The following MYOM2 variants were observed in gnomAD, a reference collection of about 807,000 sequenced individuals.
The protein encoded by MYOM2 is myomesin-2.
Under a neutral mutation model 187.6 loss-of-function variants are expected in MYOM2, and 254 were observed. The observed-to-expected ratio is 1.35, with a 90% CI of 1.22 to 1.50. MYOM2 has a LOEUF of 1.50. Ranked by LOEUF, MYOM2 falls within the 40% of genes most tolerant of loss-of-function variation. The pLI is 0.00. For missense variants in MYOM2, 2,796 were observed against 1,924.0 expected (o/e 1.45, Z -8.48); for synonymous variants, 981 against 753.8 (o/e 1.30, Z -4.94).
At chr8:2,051,042 G>A (rs910306704) in intron 2 of MYOM2, among the ~76,000 whole-genome samples, 169 bp downstream of exon 2, 2 of 152,118 alleles carry the variant, frequency 1.3e-5, no homozygotes, top group Non-Finnish European at 2.9e-5. Flanking sequence ...GCAGCACTCT[G>A]TGGAGCTGGC....
intron 14 of MYOM2, among the ~76,000 whole-genome samples, chr8:2,088,860 G>A (rs949770521): frequency 2.0e-5 from 3 of 152,248 alleles, no homozygotes; most frequent in Admixed American, 1.3e-4. Context: ...CAGTGACTGA[G>A]CTAATGACAT....
chr8:2,084,582 C>G (rs1819742953), intron 13 of MYOM2, among the ~76,000 whole-genome samples: 1 of 152,188 alleles, frequency 6.6e-6, no homozygotes, highest in South Asian at 2.1e-4. Context: ...AAACAGAAAT[C>G]CCCACACCTC....
In MYOM2 at chr8:2,057,767, C is replaced by G. The variant is rs1478510512; in HGVS notation, c.547C>G (p.Pro183Ala). ...LCFTVQGFPT[P>A]VVQWYKDGSL... ...CTTCACCGTGCAAGGATTTCCCACG[C>G]CCGTGGTGCAGTGGTGAGGGGCTCT... The change falls in exon 5 of 37, where the codon CCC becomes GCC. Residue 183 changes from proline to alanine, a missense_variant. Transcript: ENST00000262113. The G allele has an allele frequency of 1.9e-6, 3 of 1,614,054 alleles. No individual in the cohort carries two copies. Among genetic ancestry groups the G allele is most frequent in the Non-Finnish European group, 8.5e-7 (1 of 1,179,974 alleles).
rs531079864 is a variant in MYOM2, at chr8:2,107,611, A to G, written c.2998+1014A>G. ...GCAGGTTTGGCTCAATGTTGGTGAA[A>G]TTCAGGAAAACTCATGCACATTTAA... On this transcript the variant is annotated intron_variant, in intron 23 of 36. Transcript: ENST00000262113. Among the ~76,000 whole-genome samples the G allele has an allele frequency of 2.5e-4, 38 of 152,234 alleles. No homozygotes were observed. In the South Asian group the frequency reaches 7.9e-3, roughly 32 times the overall value.
At position 2,123,649 on chromosome 8, in the gene MYOM2, G is replaced by A. The variant is rs187275451; in HGVS notation, c.3655+7G>A. 5.7e-4 allele frequency: 927 copies of A among 1,612,342 alleles called. 9 individuals are homozygous for A. The African/African-American group carries it at 0.011, about 20-fold the overall frequency. ...CTTGAAATAGCTGGCAAAGGTAAAA[G>A]AAAACCTCCTTTGTTCTGTGAACAA... is the stretch of plus-strand genomic sequence containing the variant. On this transcript the variant is annotated splice_region_variant and intron_variant, in intron 30 of 36. Coordinates refer to ENST00000262113, the MANE Select transcript of MYOM2 (RefSeq NM_003970.4).
chr8:2,127,547 T>TAGGGAGGTGTGGAAGTCC (rs1294140276), intron 31 of MYOM2, among the ~76,000 whole-genome samples: 3 of 152,220 alleles, frequency 2.0e-5, no homozygotes, highest in African/African-American at 7.2e-5. Flanking sequence ...TAGCGGGGTT[T>TAGGGAGGTGTGGAAGTCC]AGGGAGGTGT....
At chr8:2,073,956 G>C (rs1033519703) in intron 10 of MYOM2, among the ~76,000 whole-genome samples, 1 of 152,146 alleles carries the variant, frequency 6.6e-6, no homozygotes, top group Non-Finnish European at 1.5e-5. Flanking sequence ...GACAGCCAGT[G>C]CTGTGACCTC....
At chr8:2,077,165 C>G (rs1819454565) in intron 11 of MYOM2, among the ~76,000 whole-genome samples, 1 of 151,934 alleles carries the variant, frequency 6.6e-6, no homozygotes, top group Non-Finnish European at 1.5e-5. Context: ...CAAAAATTAG[C>G]TGGGTGTGCT....
chr8:2,103,131 GGT>G (rs372463216), intron 21 of MYOM2, among the ~76,000 whole-genome samples: 1 of 113,978 alleles, frequency 8.8e-6, no homozygotes, highest in Admixed American at 9.7e-5. Context: ...TGGGTGGGTG[GGT>G]GTGTGTGTAA....
intron 10 of MYOM2, among the ~76,000 whole-genome samples, chr8:2,075,729 C>T (rs1169131095): frequency 6.6e-6 from 1 of 152,178 alleles, no homozygotes. Context: ...GTAAATCGCC[C>T]AATTTCCTAA....
chr8:2,059,873 G>C (rs1818795057), intron 6 of MYOM2, among the ~76,000 whole-genome samples: 1 of 151,658 alleles, frequency 6.6e-6, no homozygotes, highest in South Asian at 2.1e-4. Flanking sequence ...CTCCCCAGTA[G>C]TGGGGATTAC....
rs1403346172 is a variant in MYOM2, at chr8:2,094,045, T to G, written c.2079T>G (p.Ser693Arg). ...AGGCGGTCAATGCTGTGGGGATGAG[T>G]GAAAATTCCCAGGAATCAGACGTCA... Reference protein sequence around the residue: ...RVKAVNAVGMSENSQESDVIK... With the variant: ...RVKAVNAVGMRENSQESDVIK... The change falls in exon 17 of 37, where the codon AGT becomes AGG. Residue 693 changes from serine (S) to arginine (R), a missense_variant. Ser to Arg is a moderately radical substitution (Grantham distance 110, BLOSUM62 -1). Transcript: ENST00000262113. 6.2e-7 allele frequency: 1 copy of G among 1,613,772 alleles called. No homozygotes were observed. Among genetic ancestry groups the G allele is most frequent in the Non-Finnish European group, 8.5e-7 (1 of 1,179,994 alleles).
chr8:2,075,994 A>G, intron 10 of MYOM2, 147 bp from the exon 11 acceptor site: 1 of 650,610 alleles, frequency 1.5e-6, no homozygotes, highest in East Asian at 3.2e-5. Flanking sequence ...CGCCAGAGTA[A>G]GAAATATTCT....
At chr8:2,133,206 T>A (rs529081699) in intron 32 of MYOM2, among the ~76,000 whole-genome samples, 10 of 152,340 alleles carry the variant, frequency 6.6e-5, no homozygotes, top group African/African-American at 2.4e-4. Flanking sequence ...TGTCCCATCT[T>A]GTGGGGCTCT....
At chr8:2,141,938 C>T (rs747258848) in intron 34 of MYOM2, among the ~76,000 whole-genome samples, 9 of 152,140 alleles carry the variant, frequency 5.9e-5, no homozygotes, top group African/African-American at 1.2e-4. Context: ...TTCGCACATC[C>T]GAAGCTGACC....
At chr8:2,109,924 A>G (rs530964189) in intron 25 of MYOM2, among the ~76,000 whole-genome samples, 142 of 152,344 alleles carry the variant, frequency 9.3e-4, no homozygotes, top group African/African-American at 3.3e-3. Flanking sequence ...CCCCACTGAC[A>G]GCTTCCCATG....
chr8:2,089,370 T>C (rs1796214481), intron 14 of MYOM2, among the ~76,000 whole-genome samples: 1 of 152,200 alleles, frequency 6.6e-6, no homozygotes, highest in Non-Finnish European at 1.5e-5. Context: ...GTGTGGTACA[T>C]ATATTTATAG....
intron 6 of MYOM2, among the ~76,000 whole-genome samples, chr8:2,064,575 C>T (rs1056108125): frequency 6.6e-6 from 1 of 152,192 alleles, no homozygotes; most frequent in African/African-American, 2.4e-5. Context: ...AGGGCTTCTT[C>T]CCCCAGTGGC....
At chr8:2,096,903 C>A (rs1321836422) in intron 18 of MYOM2, among the ~76,000 whole-genome samples, 1 of 152,194 alleles carries the variant, frequency 6.6e-6, no homozygotes, top group Admixed American at 6.5e-5. Flanking sequence ...TGCCTCAGTG[C>A]CCCTGGTGCT....
Sources: gnomAD v4.1 joint callset for allele counts (sites outside exome capture counted in the v4.1 genomes callset) on GRCh38, gnomAD v4.1.1 for gene constraint, MANE v1.5 for transcripts, NCBI Gene and HGNC (gene_info 2026-07-23, HGNC 2026-07-21) for gene names.